The following DLGAP1 variants were observed in gnomAD, a reference collection of about 807,000 sequenced individuals.
The protein encoded by DLGAP1 is disks large-associated protein 1.
A neutral mutation model predicts 90.8 loss-of-function variants in DLGAP1; 11 were observed. The ratio of observed to expected loss-of-function variants is 0.12; its 90% CI spans 0.08 to 0.20. The LOEUF (loss-of-function observed/expected upper bound fraction) is 0.20. Ranked by LOEUF, DLGAP1 falls within the 10% of genes least tolerant of loss-of-function variation. DLGAP1 has a pLI of 1.00. For missense variants in DLGAP1, 1,050 were observed against 1,333.8 expected (o/e 0.79, Z 3.31); for synonymous variants, 558 against 540.7 (o/e 1.03, Z -0.44).
intron 3 of DLGAP1, among the ~76,000 whole-genome samples, chr18:3,910,035 T>C (rs1048336950): frequency 6.6e-6 from 1 of 151,632 alleles, no homozygotes; most frequent in African/African-American, 2.4e-5. Context: ...CCGAGAAGCA[T>C]AGGAACAGGA....
chr18:4,033,896 G>C (rs1289382467), intron 2 of DLGAP1, among the ~76,000 whole-genome samples: 2 of 151,586 alleles, frequency 1.3e-5, no homozygotes, highest in African/African-American at 4.8e-5. Context: ...GTGCCACCAT[G>C]CCTGGCTAAT....
intron 2 of DLGAP1, among the ~76,000 whole-genome samples, chr18:4,106,027 G>A (rs1299394246): frequency 1.4e-5 from 1 of 72,200 alleles, no homozygotes; most frequent in Non-Finnish European, 2.4e-5. Flanking sequence ...GCGAGGGTCC[G>A]TCTCAAAAAA....
intron 5 of DLGAP1, among the ~76,000 whole-genome samples, chr18:3,762,021 C>T (rs1397020986): frequency 1.3e-5 from 2 of 152,132 alleles, no homozygotes; most frequent in Non-Finnish European, 2.9e-5. Context: ...CCATCATTTC[C>T]CCCACCCTGA....
At chr18:4,256,538 G>C (rs538619244) in intron 1 of DLGAP1, among the ~76,000 whole-genome samples, 1 of 152,266 alleles carries the variant, frequency 6.6e-6, no homozygotes, top group Non-Finnish European at 1.5e-5. Context: ...TCCTTAGGGG[G>C]AAATATGTGG....
chr18:4,202,139 GCA>G (rs1385691736), intron 1 of DLGAP1, among the ~76,000 whole-genome samples: 3 of 150,040 alleles, frequency 2.0e-5, no homozygotes, highest in Admixed American at 6.6e-5. Context: ...GTATACATAC[GCA>G]CACACACACA....
At chr18:4,215,473 A>G (rs1426866823) in intron 1 of DLGAP1, among the ~76,000 whole-genome samples, 2 of 152,158 alleles carry the variant, frequency 1.3e-5, no homozygotes, top group Non-Finnish European at 2.9e-5. Flanking sequence ...CATATGATCC[A>G]GGTTTCTGTC....
chr18:3,803,185 C>T (rs914360987), intron 5 of DLGAP1, among the ~76,000 whole-genome samples: 20 of 152,072 alleles, frequency 1.3e-4, no homozygotes, highest in African/African-American at 3.6e-4. Flanking sequence ...TCTCATTGGA[C>T]GACTGGACCC....
At chr18:4,104,090 T>C (rs928717454) in intron 2 of DLGAP1, among the ~76,000 whole-genome samples, 1 of 152,134 alleles carries the variant, frequency 6.6e-6, no homozygotes, top group Admixed American at 6.5e-5. Context: ...CTATTTCTAG[T>C]TAAGATAATT....
At chr18:3,647,710 C>A (rs2059170709) in intron 7 of DLGAP1, among the ~76,000 whole-genome samples, 1 of 152,128 alleles carries the variant, frequency 6.6e-6, no homozygotes, top group African/African-American at 2.4e-5. Flanking sequence ...AGGTGATGGC[C>A]CTCCTTGGCC....
chr18:4,384,961 C>T (rs1360557139), intron 1 of DLGAP1, among the ~76,000 whole-genome samples: 1 of 140,000 alleles, frequency 7.1e-6, no homozygotes, highest in Non-Finnish European at 1.5e-5. Context: ...CTCCCTTTAT[C>T]TTCTTTGCTG....
intron 1 of DLGAP1, among the ~76,000 whole-genome samples, chr18:4,402,678 A>C (rs1241410843): frequency 3.3e-5 from 5 of 152,204 alleles, no homozygotes; most frequent in African/African-American, 7.2e-5. Context: ...AAAGCACTGA[A>C]TTGGTAAAAA....
chr18:4,170,694 T>C (rs950176162), intron 1 of DLGAP1, among the ~76,000 whole-genome samples: 9 of 152,176 alleles, frequency 5.9e-5, no homozygotes, highest in East Asian at 3.8e-4. Context: ...AGTGAAGCTA[T>C]CTATTAATAG....
At chr18:3,863,746 C>T (rs557898292) in intron 4 of DLGAP1, among the ~76,000 whole-genome samples, 2 of 152,366 alleles carry the variant, frequency 1.3e-5, no homozygotes, top group African/African-American at 4.8e-5. Context: ...CTCAGCCCCA[C>T]CACCTCTGCA....
chr18:3,652,210 C>T (rs1279069490), intron 7 of DLGAP1, among the ~76,000 whole-genome samples: 1 of 150,842 alleles, frequency 6.6e-6, no homozygotes, highest in Non-Finnish European at 1.5e-5. Context: ...ATGACAAAGG[C>T]AGAGTTCACC....
intron 2 of DLGAP1, among the ~76,000 whole-genome samples, chr18:4,072,919 T>C (rs555458479): frequency 6.6e-6 from 1 of 152,348 alleles, no homozygotes; most frequent in African/African-American, 2.4e-5. Flanking sequence ...GTAAGTTGCA[T>C]AGGGTCCCGG....
At chr18:3,854,601 C>G (rs2069524313) in intron 4 of DLGAP1, among the ~76,000 whole-genome samples, 2 of 152,208 alleles carry the variant, frequency 1.3e-5, no homozygotes, top group South Asian at 2.1e-4. Context: ...AGGTAGTGCA[C>G]AAGCTGCACA....
chr18:4,422,585 A>G (rs1337931166), intron 1 of DLGAP1, among the ~76,000 whole-genome samples: 1 of 152,008 alleles, frequency 6.6e-6, no homozygotes, highest in Non-Finnish European at 1.5e-5. Context: ...AGACATTTCA[A>G]TGTAATTTAG....
At position 4,306,033 on chromosome 18, in the gene DLGAP1, T is replaced by TACACACAC. The variant is rs3041181; in HGVS notation, c.-267+148965_-267+148972dup. Among the ~76,000 whole-genome samples the TACACACAC allele has an allele frequency of 5.6e-3, 798 of 142,174 alleles. 6 individuals are homozygous for TACACACAC. The highest frequency in any genetic ancestry group is 0.014 in the East Asian group (69 of 4,824). 93.3% of individuals were successfully genotyped at this position (142,174 alleles called of 152,430 possible). A position where few individuals can be genotyped will look rare whatever the true frequency, so the allele number is the denominator to read the frequency against. ...ACACACACACACAGACACACACAAA[T>TACACACAC]ACACACACACACACACACACACACA... On this transcript the variant is annotated intron_variant, in intron 1 of 12. Transcript: ENST00000315677.
chr18:4,083,620 C>T lies in DLGAP1; in HGVS notation c.-159+67560G>A, dbSNP rs1269415656. Reference sequence around the variant, plus strand: ...GCATTAATCATGCTGTACTTTGATCCATTTCCTTGTTGCTGAAAGTTACTT... The same window carrying T: ...GCATTAATCATGCTGTACTTTGATCTATTTCCTTGTTGCTGAAAGTTACTT... On this transcript the variant is annotated intron_variant, in intron 2 of 12. Transcript: ENST00000315677. Among the ~76,000 whole-genome samples the T allele has an allele frequency of 3.3e-5, 5 of 152,268 alleles. No individual in the cohort carries two copies. The East Asian group carries it at 9.7e-4, about 29-fold the overall frequency.
Sources: gnomAD v4.1 joint callset for allele counts (sites outside exome capture counted in the v4.1 genomes callset) on GRCh38, gnomAD v4.1.1 for gene constraint, MANE v1.5 for transcripts, NCBI Gene and HGNC (gene_info 2026-07-23, HGNC 2026-07-21) for gene names.